INTS10: variants seen among roughly 807,000 people sequenced by gnomAD.
The protein encoded by INTS10 is integrator complex subunit 10, also known as chromosome 8 open reading frame 35.
Under a neutral mutation model 94.4 loss-of-function variants are expected in INTS10, and 44 were observed. That is an observed-to-expected ratio of 0.47 (90% CI 0.37 to 0.60). The LOEUF (loss-of-function observed/expected upper bound fraction) is 0.60. INTS10 is among the 20% of genes least tolerant of loss of function. INTS10 has a pLI of 0.00. For synonymous variants in INTS10, 341 were observed against 320.7 expected (o/e 1.06, Z -0.68); for missense variants, 797 against 868.7 (o/e 0.92, Z 1.04).
chr8:19,827,041 T>G (rs780702626), intron 9 of INTS10, among the ~76,000 whole-genome samples: 1 of 152,174 alleles, frequency 6.6e-6, no homozygotes, highest in Non-Finnish European at 1.5e-5. Flanking sequence ...AAAGATTTCA[T>G]GAAGGAGGTC....
intron 15 of INTS10, 61 bp downstream of exon 15, chr8:19,844,299 T>C: frequency 8.1e-7 from 1 of 1,227,188 alleles, no homozygotes; most frequent in Non-Finnish European, 1.2e-6. Context: ...GAATACATGA[T>C]AGAAAAAGAA....
At position 19,837,045 on chromosome 8, in the gene INTS10, G is replaced by A. The variant is rs756888787; in HGVS notation, c.1531-7G>A. 16 of 1,589,678 alleles carry A rather than the reference G, an allele frequency of 1.0e-5. No homozygotes were observed. In the African/African-American group the frequency reaches 2.0e-4, roughly 20 times the overall value. ...AGTTAGTTCCTTTTTGGTCTTTTCT[G>A]CTTTAGATGACATGTGAAAAAGTCC... On this transcript the variant is annotated splice_polypyrimidine_tract_variant and splice_region_variant and intron_variant, in intron 12 of 16. Transcript: ENST00000397977.
intron 12 of INTS10, among the ~76,000 whole-genome samples, chr8:19,833,998 C>T (rs1589996051): frequency 1.5e-5 from 2 of 135,492 alleles, no homozygotes; most frequent in African/African-American, 2.7e-5. Context: ...CAGAGCCAGA[C>T]TCTGTCTCAA....
chr8:19,833,375 T>C (rs537653164), intron 12 of INTS10, 54 bp downstream of exon 12: 4 of 1,369,540 alleles, frequency 2.9e-6, no homozygotes, highest in African/African-American at 1.5e-5. Context: ...CACCTGGCCT[T>C]TCTCCTTTCC....
intron 13 of INTS10, 38 bp from the exon 14 acceptor site, chr8:19,842,810 A>G (rs1029633746): frequency 1.4e-6 from 2 of 1,409,978 alleles, no homozygotes; most frequent in African/African-American, 2.8e-5. Flanking sequence ...ATCTTTGATA[A>G]TAACATACAT....
In INTS10 at chr8:19,832,027, G is replaced by A. The variant is rs1589983669; in HGVS notation, c.1295-1G>A. ...AAATTTGTTCTTGAATTCTTACTCAGAATTTACAAGGATTTGCTTGGCCTG... is the reference window on the plus strand; with the variant it reads ...AAATTTGTTCTTGAATTCTTACTCAAAATTTACAAGGATTTGCTTGGCCTG... On this transcript the variant is annotated splice_acceptor_variant, in intron 10 of 16. Transcript: ENST00000397977. LOFTEE classifies it high-confidence loss of function. 2 of 1,586,736 alleles carry A rather than the reference G, an allele frequency of 1.3e-6. No homozygotes were observed. The highest frequency in any genetic ancestry group is 1.7e-6 in the Non-Finnish European group (2 of 1,155,250).
Position 19,851,816 on chromosome 8 carries a change from T to C in INTS10, c.*11T>C, listed in dbSNP as rs956821854. Reference sequence around the variant, plus strand: ...CAGACTCTGACCTGAGTGGAGACCTTTCCACCAGACACAGCTCGGGCCTGT... The same window carrying C: ...CAGACTCTGACCTGAGTGGAGACCTCTCCACCAGACACAGCTCGGGCCTGT... On this transcript the variant is annotated 3_prime_UTR_variant, in exon 17 of 17. Transcript: ENST00000397977. This position sits in a 1 kb window ranked among gnomAD's most constrained non-coding sequence, Gnocchi z 5.0. The C allele has an allele frequency of 7.4e-6, 12 of 1,612,926 alleles. No homozygotes were observed. The Admixed American group carries it at 1.2e-4, about 16-fold the overall frequency.
Position 19,819,570 on chromosome 8 carries a change from T to C in INTS10, c.198-3T>C. 6.2e-7 allele frequency: 1 copy of C among 1,601,352 alleles called. No individual in the cohort carries two copies. Among genetic ancestry groups the C allele is most frequent in the Non-Finnish European group, 8.5e-7 (1 of 1,170,884 alleles). ...TAATTTAATGTATTTATTTTAAAAA[T>C]AGGTTTGTGAATTTCCCAGACCAGC... is the stretch of plus-strand genomic sequence containing the variant. On this transcript the variant is annotated splice_polypyrimidine_tract_variant and splice_region_variant and intron_variant, in intron 2 of 16. Transcript: ENST00000397977.
chr8:19,843,907 C>T lies in INTS10; in HGVS notation c.1720-169C>T, dbSNP rs1283618581. Reference sequence around the variant, plus strand: ...AGAATCCACCCTCCTTAGAAGGCAGCTGTGATGTTTACCAGCCATTTCGTT... The same window carrying T: ...AGAATCCACCCTCCTTAGAAGGCAGTTGTGATGTTTACCAGCCATTTCGTT... On this transcript the variant is annotated intron_variant, in intron 14 of 16. Transcript: ENST00000397977. This position sits in a 1 kb window ranked among gnomAD's most constrained non-coding sequence, Gnocchi z 4.7. 1.3e-5 allele frequency among the ~76,000 whole-genome samples: 2 copies of T among 152,256 alleles called. No individual in the cohort carries two copies. The highest frequency in any genetic ancestry group is 2.9e-5 in the Non-Finnish European group (2 of 68,054).
At chr8:19,833,661 G>A (rs751700363) in intron 12 of INTS10, among the ~76,000 whole-genome samples, 4 of 152,006 alleles carry the variant, frequency 2.6e-5, no homozygotes, top group Admixed American at 6.6e-5. Flanking sequence ...ATTATTAAGT[G>A]GGAAATGGAG....
At chr8:19,829,506 A>C (rs1384194354) in intron 9 of INTS10, among the ~76,000 whole-genome samples, 1 of 152,230 alleles carries the variant, frequency 6.6e-6, no homozygotes, top group Non-Finnish European at 1.5e-5. Context: ...TGTAAAATAC[A>C]GAGGGCTTTA....
intron 7 of INTS10, chr8:19,824,499 G>GA (rs11326853): frequency 2.5e-3 from 507 of 199,866 alleles, no homozygotes; most frequent in Middle Eastern, 0.01. Context: ...CTCTAAAAAA[G>GA]AAAAAAAAAA....
chr8:19,834,006 C>CAAAA (rs11428734), intron 12 of INTS10, among the ~76,000 whole-genome samples: 9,066 of 109,956 alleles, frequency 0.082, 303 homozygotes, highest in South Asian at 0.11. Flanking sequence ...GACTCTGTCT[C>CAAAA]AAAAAAAAAA....
intron 9 of INTS10, among the ~76,000 whole-genome samples, chr8:19,826,813 C>T (rs760667737): frequency 4.6e-5 from 7 of 152,154 alleles, no homozygotes; most frequent in African/African-American, 1.2e-4. Context: ...GAGCACTTTA[C>T]AGTGTACAGG....
intron 11 of INTS10, 107 bp downstream of exon 11, chr8:19,832,217 A>G (rs2067286170): frequency 1.4e-6 from 1 of 697,848 alleles, no homozygotes; most frequent in Non-Finnish European, 2.7e-6. Context: ...GGGCTAGTCC[A>G]CTGCCTCCTG....
At chr8:19,818,107 A>G in intron 1 of INTS10, 168 bp from the exon 2 acceptor site, 1 of 676,540 alleles carries the variant, frequency 1.5e-6, no homozygotes, top group African/African-American at 1.8e-5. Context: ...CCCCAGGGTC[A>G]CACTCTAAGC....
rs761648547 is a variant in INTS10 at position 19,845,707 on chromosome 8, T to C, written c.1886T>C (p.Ile629Thr). 2.5e-6 allele frequency: 4 copies of C among 1,611,230 alleles called. No homozygotes were observed. The highest frequency in any genetic ancestry group is 4.5e-5 in the East Asian group (2 of 44,870). The change falls in exon 16 of 17, where the codon ATT becomes ACT. Residue 629 changes from isoleucine (I) to threonine (T), a missense_variant. Physicochemically the swap from Ile to Thr is moderately conservative, Grantham distance 89. Around this residue, in one of 3 missense-constraint regions of INTS10, gnomAD observed 734 missense variants for 787.8 expected, o/e 0.93. Transcript: ENST00000397977. ...TTAACCTGAATCTGGCCTGCAGATA[T>C]TGATATGCTGGAGGAATTTGCCTAC... ...YENFFNYVTN[I>T]DMLEEFAYLR... is the part of the protein sequence containing the mutation.
chr8:19,817,991 AG>A (rs2066068680), intron 1 of INTS10, among the ~76,000 whole-genome samples: 1 of 152,150 alleles, frequency 6.6e-6, no homozygotes, highest in South Asian at 2.1e-4. Flanking sequence ...CACTAGCAAA[AG>A]GCCATTCGCT....
In INTS10 at chr8:19,851,819, C is replaced by T. The variant is rs776842823; in HGVS notation, c.*14C>T. 1.2e-6 allele frequency: 2 copies of T among 1,612,510 alleles called. No homozygotes were observed. The highest frequency in any genetic ancestry group is 1.7e-6 in the Non-Finnish European group (2 of 1,178,612). On this transcript the variant is annotated 3_prime_UTR_variant, in exon 17 of 17. Transcript: ENST00000397977. This position sits in a 1 kb window ranked among gnomAD's most constrained non-coding sequence, Gnocchi z 5.0. The stretch of plus-strand genomic sequence containing the variant: ...ACTCTGACCTGAGTGGAGACCTTTC[C>T]ACCAGACACAGCTCGGGCCTGTGTA...
Sources: gnomAD v4.1 joint callset for allele counts (sites outside exome capture counted in the v4.1 genomes callset) on GRCh38, gnomAD v4.1.1 for gene constraint, gnomAD v4.1.1 regional missense constraint, Gnocchi (gnomAD v3.1) non-coding constraint, MANE v1.5 for transcripts, NCBI Gene and HGNC (gene_info 2026-07-23, HGNC 2026-07-21) for gene names.